The following LCE1C variants were observed in gnomAD, a reference collection of about 807,000 sequenced individuals.
LCE1C encodes late cornified envelope 1C.
A neutral mutation model predicts 0.7 loss-of-function variants in LCE1C; 1 was observed. The ratio of observed to expected loss-of-function variants is 1.44; its 90% CI spans 0.51 to 6.83. The LOEUF (loss-of-function observed/expected upper bound fraction) is 6.83, where lower values mean the gene tolerates loss of function less well. Ranked by LOEUF, LCE1C falls within the 30% of genes most tolerant of loss-of-function variation. The pLI is 0.14. For synonymous variants in LCE1C, 72 were observed against 57.9 expected (o/e 1.24, Z -1.10); for missense variants, 136 against 149.6 (o/e 0.91, Z 0.48).
chr1:152,804,944 T>A lies in LCE1C; in HGVS notation c.*178A>T, dbSNP rs1437556888. 3.8e-6 allele frequency: 3 copies of A among 794,454 alleles called. No homozygotes were observed. Among genetic ancestry groups the A allele is most frequent in the East Asian group, 5.0e-5 (2 of 40,376 alleles). The allele number at this position is 794,454 out of a possible 1,614,324, so 49.2% of individuals were successfully genotyped here. A position where few individuals can be genotyped will look rare whatever the true frequency, so the allele number is the denominator to read the frequency against. ...CCACAAAGGTGAGGTCCAAGGCCAG[T>A]GAATGGAGATCCAGGAGAGGATCTG... On this transcript the variant is annotated 3_prime_UTR_variant, in exon 2 of 2. Transcript: ENST00000607093.
At chr1:152,805,868 T>A (rs925658163) in intron 1 of LCE1C, among the ~76,000 whole-genome samples, 1 of 152,202 alleles carries the variant, frequency 6.6e-6, no homozygotes, top group Non-Finnish European at 1.5e-5. Context: ...CCTGGGGATA[T>A]AAACATTTTC....
rs756743626 is a variant in LCE1C, at chr1:152,805,311, A to C, written c.168T>G (p.Ser56=). ...VSSGGCCGSS[S]GGSCGSSSGG... is the part of the protein sequence containing the mutation. The stretch of plus-strand genomic sequence containing the variant: ...CAGAGCTGGAGCCACAGCTGCCCCC[A>C]GAGCTGGAGCCACAGCAGCCTCCGG... The change falls in exon 2 of 2, where the codon TCT becomes TCG. Residue 56 remains serine (S), a synonymous_variant. Coordinates refer to ENST00000607093, the MANE Select transcript of LCE1C (RefSeq NM_178351.4). 2 of 1,614,022 alleles carry C rather than the reference A, an allele frequency of 1.2e-6. No individual in the cohort carries two copies.
Position 152,805,297 on chromosome 1 carries a change from C to G in LCE1C, c.182G>C (p.Gly61Ala). The part of the protein sequence containing the change: ...CCGSSSGGSC[G>A]SSSGGCCSSG... ...ACTGCAGCATCCCCCAGAGCTGGAG[C>G]CACAGCTGCCCCCAGAGCTGGAGCC... Residue 61 changes from glycine to alanine, a missense_variant, in exon 2 of 2, where the codon GGC becomes GCC. By Grantham distance (60) the Gly-to-Ala change is moderately conservative. Coordinates refer to ENST00000607093, the MANE Select transcript of LCE1C (RefSeq NM_178351.4). 6.2e-7 allele frequency: 1 copy of G among 1,614,044 alleles called. No individual in the cohort carries two copies. The highest frequency in any genetic ancestry group is 8.5e-7 in the Non-Finnish European group (1 of 1,179,994).
intron 1 of LCE1C, among the ~76,000 whole-genome samples, chr1:152,805,787 A>AAGGAATTT (rs1652323105): frequency 6.6e-6 from 1 of 152,222 alleles, no homozygotes; most frequent in Non-Finnish European, 1.5e-5. Flanking sequence ...AAGATTAAAC[A>AAGGAATTT]TTTAGTAAAT....
intron 1 of LCE1C, 147 bp from the exon 2 acceptor site, chr1:152,805,645 T>A: frequency 1.4e-6 from 1 of 708,746 alleles, no homozygotes; most frequent in Non-Finnish European, 2.4e-6. Context: ...TTTTGTTGTT[T>A]CTTGTAGTTT....
Position 152,805,115 on chromosome 1 carries a change from G to T in LCE1C, c.*7C>A, listed in dbSNP as rs1346604317. 3 of 1,585,372 alleles carry T rather than the reference G, an allele frequency of 1.9e-6. No homozygotes were observed. The highest frequency in any genetic ancestry group is 2.7e-5 in the African/African-American group (2 of 74,130). ...TGGATTCTGCTCTTCTAGGCTCAGGGTCCACTTCAGCAGCAGCCTCCAGAG... is the reference window on the plus strand; with the variant it reads ...TGGATTCTGCTCTTCTAGGCTCAGGTTCCACTTCAGCAGCAGCCTCCAGAG... On this transcript the variant is annotated 3_prime_UTR_variant, in exon 2 of 2. Transcript: ENST00000607093.
At chr1:152,806,520 G>A (rs1436863884) in intron 1 of LCE1C, 81 bp downstream of exon 1, 1 of 152,266 alleles carries the variant, frequency 6.6e-6, no homozygotes, top group African/African-American at 2.4e-5. Context: ...AGCCCTCAAG[G>A]TCCTGCCCAG....
At chr1:152,806,341 T>A (rs877656) in intron 1 of LCE1C, among the ~76,000 whole-genome samples, 27,557 of 151,822 alleles carry the variant, frequency 0.18, 2,722 homozygotes, top group East Asian at 0.34. Flanking sequence ...TCTAGCAGAG[T>A]CTATTTGCCT....
chr1:152,805,562 T>C, intron 1 of LCE1C, 64 bp from the exon 2 acceptor site: 1 of 1,150,038 alleles, frequency 8.7e-7, no homozygotes, highest in East Asian at 2.4e-5. Context: ...TTCTTGTCCT[T>C]TCCACATTGT....
chr1:152,805,344 A>G lies in LCE1C; in HGVS notation c.135T>C (p.Ser45=), dbSNP rs776767449. The G allele has an allele frequency of 1.7e-5, 27 of 1,613,390 alleles. No homozygotes were observed. In the African/African-American group the frequency reaches 2.8e-4, roughly 17 times the overall value. The change falls in exon 2 of 2, where the codon AGT becomes AGC. Residue 45 remains serine (S), a synonymous_variant. Coordinates refer to ENST00000607093, the MANE Select transcript of LCE1C (RefSeq NM_178351.4). ...AGCCACAGCAGCCTCCGGAGCTGAC[A>G]CTGCAGCAGGAAGAGACAGGAGGGC... The part of the protein sequence containing the change: ...PKCPPVSSCC[S]VSSGGCCGSS...
chr1:152,806,082 C>T (rs6701221), intron 1 of LCE1C, among the ~76,000 whole-genome samples: 26,830 of 152,158 alleles, frequency 0.18, 2,578 homozygotes, highest in African/African-American at 0.25. Context: ...TAGGCTGGTG[C>T]ACTGCCATAT....
Position 152,805,487 on chromosome 1 carries a change from C to T in LCE1C, c.-9G>A, listed in dbSNP as rs756695380. On this transcript the variant is annotated 5_prime_UTR_variant, in exon 2 of 2. Transcript: ENST00000607093. ...CTCTGCTGGCAGGACATCTTGGTGG[C>T]GGATTCAGGAGCTGAAAGAGAGTCA... 2.8e-5 allele frequency: 45 copies of T among 1,612,594 alleles called. No homozygotes were observed. The East Asian group carries it at 7.4e-4, about 26-fold the overall frequency.
intron 1 of LCE1C, among the ~76,000 whole-genome samples, chr1:152,806,259 C>A (rs749911827): frequency 6.6e-6 from 1 of 152,200 alleles, no homozygotes; most frequent in Non-Finnish European, 1.5e-5. Context: ...TTGAGAACTA[C>A]TATCTCCAGC....
chr1:152,804,914 G>T lies in LCE1C; in HGVS notation c.*208C>A. On this transcript the variant is annotated 3_prime_UTR_variant, in exon 2 of 2. Transcript: ENST00000607093. The stretch of plus-strand genomic sequence containing the variant: ...TAGGGGCTTAGACAGAGCGTGGGAG[G>T]GTAGCCACAAAGGTGAGGTCCAAGG... The T allele has an allele frequency of 1.6e-6, 1 of 644,748 alleles. No homozygotes were observed. 39.9% of individuals were successfully genotyped at this position (644,748 alleles called of 1,614,324 possible). A position where few individuals can be genotyped will look rare whatever the true frequency, so the allele number is the denominator to read the frequency against.
chr1:152,805,169 T>G lies in LCE1C; in HGVS notation c.310A>C (p.Ser104Arg), dbSNP rs1334826281. The change falls in exon 2 of 2, where the codon AGC becomes CGC. Residue 104 changes from serine to arginine, a missense_variant. By Grantham distance (110) the Ser-to-Arg change is moderately radical. Coordinates refer to ENST00000607093, the MANE Select transcript of LCE1C (RefSeq NM_178351.4). ...TGGCCACTCCCCCCGCCACAGCAGC[T>G]GGAGCCCCCCGAGGGCTGGCTGCAG... ...GCCSQPSGGS[S>R]CCGGGSGQHS... 6.2e-7 allele frequency: 1 copy of G among 1,612,640 alleles called. No individual in the cohort carries two copies. The highest frequency in any genetic ancestry group is 8.5e-7 in the Non-Finnish European group (1 of 1,179,290).
At position 152,804,906 on chromosome 1, in the gene LCE1C, C is replaced by G; in HGVS notation, c.*216G>C. 1.6e-6 allele frequency: 1 copy of G among 619,234 alleles called. No homozygotes were observed. Among genetic ancestry groups the G allele is most frequent in the South Asian group, 2.2e-5 (1 of 44,474 alleles). The allele number at this position is 619,234 out of a possible 1,614,324, so 38.4% of individuals were successfully genotyped here. A position where few individuals can be genotyped will look rare whatever the true frequency, so the allele number is the denominator to read the frequency against. ...GAGTAAGCTAGGGGCTTAGACAGAGCGTGGGAGGGTAGCCACAAAGGTGAG... is the reference window on the plus strand; with the variant it reads ...GAGTAAGCTAGGGGCTTAGACAGAGGGTGGGAGGGTAGCCACAAAGGTGAG... On this transcript the variant is annotated 3_prime_UTR_variant, in exon 2 of 2. Coordinates refer to ENST00000607093, the MANE Select transcript of LCE1C (RefSeq NM_178351.4).
rs373157506 is a variant in LCE1C at position 152,805,646 on chromosome 1, C to G, written c.-20-148G>C. On this transcript the variant is annotated intron_variant, in intron 1 of 1. Transcript: ENST00000607093. ...TTAATCACTGAAAATTTTGTTGTTTCTTGTAGTTTGGCAAATGCTCTCACA... is the reference window on the plus strand; with the variant it reads ...TTAATCACTGAAAATTTTGTTGTTTGTTGTAGTTTGGCAAATGCTCTCACA... The G allele has an allele frequency of 7.1e-6, 5 of 709,022 alleles. No homozygotes were observed. The African/African-American group carries it at 7.2e-5, about 10-fold the overall frequency. 43.9% of individuals were successfully genotyped at this position (709,022 alleles called of 1,614,324 possible). A position where few individuals can be genotyped will look rare whatever the true frequency, so the allele number is the denominator to read the frequency against.
At chr1:152,805,549 C>T in intron 1 of LCE1C, 51 bp from the exon 2 acceptor site, 1 of 1,305,268 alleles carries the variant, frequency 7.7e-7, no homozygotes, top group Non-Finnish European at 1.1e-6. Flanking sequence ...CCACCCCTGC[C>T]TATTCTTGTC....
chr1:152,805,544 C>A, intron 1 of LCE1C, 46 bp from the exon 2 acceptor site: 1 of 1,335,074 alleles, frequency 7.5e-7, no homozygotes, highest in Non-Finnish European at 1.1e-6. Flanking sequence ...AGAGGCCACC[C>A]CTGCCTATTC....
Sources: gnomAD v4.1 joint callset for allele counts (sites outside exome capture counted in the v4.1 genomes callset) on GRCh38, gnomAD v4.1.1 for gene constraint, MANE v1.5 for transcripts, NCBI Gene and HGNC (gene_info 2026-07-23, HGNC 2026-07-21) for gene names.